The following PLCE1 variants were observed in gnomAD, a reference collection of about 807,000 sequenced individuals.
PLCE1 encodes the protein phospholipase C epsilon 1.
In PLCE1, 119 loss-of-function variants were observed where a neutral mutation model predicts 242.8. The ratio of observed to expected loss-of-function variants is 0.49; its 90% CI spans 0.42 to 0.57. PLCE1 has a LOEUF of 0.57. Ranked by LOEUF, PLCE1 falls within the 20% of genes least tolerant of loss-of-function variation. The probability of loss-of-function intolerance (pLI) is 0.00; values close to 1 mark genes in which losing one functional copy is unlikely to be tolerated. For synonymous variants in PLCE1, 945 were observed against 1,017.4 expected (o/e 0.93, Z 1.35); for missense variants, 2,441 against 2,788.8 (o/e 0.88, Z 2.81).
At chr10:94,110,002 C>T (rs2901733) in intron 2 of PLCE1, among the ~76,000 whole-genome samples, 132,718 of 149,392 alleles carry the variant, frequency 0.89, 60,111 homozygotes, top group South Asian at 0.98. Flanking sequence ...TGGCAAATCA[C>T]GTTTGCCTTT....
chr10:94,132,843 G>A (rs562906147), intron 3 of PLCE1, among the ~76,000 whole-genome samples: 12 of 151,658 alleles, frequency 7.9e-5, no homozygotes, highest in South Asian at 2.1e-4. Context: ...CCAGTTACTC[G>A]GGAGGCTGAG....
rs74538865 is a variant in PLCE1, at chr10:94,011,576, A to G, written c.-365+17318A>G. ...GAGGAATGGGAAAAATGAGTGTCCT[A>G]GTGAGATAAGGATTTTCACCTCTGT... On this transcript the variant is annotated intron_variant, in intron 1 of 32. Transcript: ENST00000371380. 2.2e-4 allele frequency among the ~76,000 whole-genome samples: 34 copies of G among 152,320 alleles called. 1 individual carries two copies. The East Asian group carries it at 6.6e-3, about 29-fold the overall frequency.
At chr10:94,048,247 G>A (rs2043652680) in intron 2 of PLCE1, among the ~76,000 whole-genome samples, 1 of 152,064 alleles carries the variant, frequency 6.6e-6, no homozygotes, top group African/African-American at 2.4e-5. Context: ...TTTTGTATAT[G>A]TTCTTTGTTA....
chr10:94,305,748 G>T (rs1354770158), intron 25 of PLCE1, among the ~76,000 whole-genome samples: 1 of 152,148 alleles, frequency 6.6e-6, no homozygotes, highest in African/African-American at 2.4e-5. Flanking sequence ...TCAAGAAAAA[G>T]ATTTTGAAGT....
At chr10:94,312,776 A>T (rs916801439) in intron 27 of PLCE1, among the ~76,000 whole-genome samples, 6 of 152,200 alleles carry the variant, frequency 3.9e-5, no homozygotes, top group African/African-American at 1.4e-4. Flanking sequence ...ATATATCTTA[A>T]TACACAAAAT....
chr10:94,247,798 G>A (rs954336907), intron 8 of PLCE1, among the ~76,000 whole-genome samples: 18 of 152,148 alleles, frequency 1.2e-4, no homozygotes, highest in African/African-American at 4.3e-4. Flanking sequence ...GTTTAGCGTG[G>A]CAACAGGGCT....
chr10:94,235,618 C>T, intron 6 of PLCE1: 1 of 442,966 alleles, frequency 2.3e-6, no homozygotes, highest in Non-Finnish European at 3.0e-6. Context: ...TGCTCTTCCT[C>T]TGCAAATTGG....
At chr10:94,085,475 T>G (rs145702634) in intron 2 of PLCE1, among the ~76,000 whole-genome samples, 2 of 152,228 alleles carry the variant, frequency 1.3e-5, no homozygotes, top group Non-Finnish European at 2.9e-5. Context: ...TATTTTGGAA[T>G]GTGTTTGGGG....
At chr10:94,061,237 G>A (rs189794015) in intron 2 of PLCE1, among the ~76,000 whole-genome samples, 2 of 152,302 alleles carry the variant, frequency 1.3e-5, no homozygotes, top group East Asian at 3.9e-4. Flanking sequence ...CAGGAAACCA[G>A]TTGTGTAAGA....
Position 94,265,708 on chromosome 10 carries a change from G to A in PLCE1, c.4115G>A (p.Arg1372Lys). ...QGLMSFEGFA[R>K]FLMDKENFAS... is the part of the protein sequence containing the mutation. ...CTAATGTCATTTGAAGGGTTTGCCA[G>A]GTAACTTTTAAAATATCTTTTGCCC... The change falls in exon 15 of 33, where the codon AGG becomes AAG. Residue 1372 changes from arginine to lysine, a missense_variant and splice_region_variant. Coordinates refer to ENST00000371380, the MANE Select transcript of PLCE1 (RefSeq NM_016341.4). The A allele has an allele frequency of 6.2e-7, 1 of 1,613,774 alleles. No individual in the cohort carries two copies. Among genetic ancestry groups the A allele is most frequent in the Non-Finnish European group, 8.5e-7 (1 of 1,179,812 alleles).
chr10:94,284,919 A>G lies in PLCE1; in HGVS notation c.4989A>G (p.Pro1663=). Residue 1663 remains proline, a synonymous_variant, in exon 22 of 33, where the codon CCA becomes CCG. Coordinates refer to ENST00000371380, the MANE Select transcript of PLCE1 (RefSeq NM_016341.4). ...AAAAGGAAAGCAGACAGATTGCACC[A>G]GAGCTTTCTGACCTTGTAATCTATT... ...QNKKESRQIA[P]ELSDLVIYCQ... is the part of the protein sequence containing the mutation. The G allele has an allele frequency of 6.2e-7, 1 of 1,611,862 alleles. No individual in the cohort carries two copies. Among genetic ancestry groups the G allele is most frequent in the Non-Finnish European group, 8.5e-7 (1 of 1,178,060 alleles).
At chr10:94,133,056 C>G (rs1179199495) in intron 3 of PLCE1, among the ~76,000 whole-genome samples, 1 of 151,620 alleles carries the variant, frequency 6.6e-6, no homozygotes, top group Non-Finnish European at 1.5e-5. Flanking sequence ...GGTAGTTTCT[C>G]CTAGTGGTAG....
chr10:94,170,172 C>A (rs1415637383), intron 3 of PLCE1, among the ~76,000 whole-genome samples: 1 of 152,122 alleles, frequency 6.6e-6, no homozygotes, highest in African/African-American at 2.4e-5. Context: ...AGTGTCCAGG[C>A]TGGATGACAG....
At chr10:94,112,923 A>G (rs1006208329) in intron 2 of PLCE1, among the ~76,000 whole-genome samples, 2 of 152,208 alleles carry the variant, frequency 1.3e-5, no homozygotes, top group Admixed American at 6.5e-5. Flanking sequence ...ATTCAACAGA[A>G]CATTTATTGG....
intron 4 of PLCE1, among the ~76,000 whole-genome samples, chr10:94,190,144 G>C (rs1019552323): frequency 6.6e-6 from 1 of 152,168 alleles, no homozygotes; most frequent in East Asian, 1.9e-4. Flanking sequence ...TACAGGCGTG[G>C]TAGTGCCCCC....
At chr10:94,136,383 T>C (rs755383526) in intron 3 of PLCE1, among the ~76,000 whole-genome samples, 1 of 152,102 alleles carries the variant, frequency 6.6e-6, no homozygotes, top group Non-Finnish European at 1.5e-5. Flanking sequence ...AATGTTGAGA[T>C]AGTAAATTTT....
chr10:94,030,376 C>A lies in PLCE1; in HGVS notation c.-364-307C>A, dbSNP rs541013971. Among the ~76,000 whole-genome samples the A allele has an allele frequency of 1.6e-4, 24 of 148,280 alleles. 1 individual carries two copies. The South Asian group carries it at 4.9e-3, about 30-fold the overall frequency. Reference sequence around the variant, plus strand: ...TATAGGGCTCACTTCTTTTTTTTTTCTTCTTTCAGACATCAATGTCTGTGT... The same window carrying A: ...TATAGGGCTCACTTCTTTTTTTTTTATTCTTTCAGACATCAATGTCTGTGT... On this transcript the variant is annotated intron_variant, in intron 1 of 32. Coordinates refer to ENST00000371380, the MANE Select transcript of PLCE1 (RefSeq NM_016341.4).
At chr10:94,178,797 G>A (rs1156281120) in intron 4 of PLCE1, among the ~76,000 whole-genome samples, 1 of 152,194 alleles carries the variant, frequency 6.6e-6, no homozygotes, top group East Asian at 1.9e-4. Context: ...ATATTATAAC[G>A]ATGTGAGGCA....
chr10:94,321,840 TTGTC>T, intron 29 of PLCE1, 57 bp from the exon 30 acceptor site: 3 of 1,318,692 alleles, frequency 2.3e-6, no homozygotes, highest in Admixed American at 3.5e-5. Flanking sequence ...TTTGCTAGAT[TTGTC>T]TTTCTTTATT....
Sources: gnomAD v4.1 joint callset for allele counts (sites outside exome capture counted in the v4.1 genomes callset) on GRCh38, gnomAD v4.1.1 for gene constraint, MANE v1.5 for transcripts, NCBI Gene and HGNC (gene_info 2026-07-23, HGNC 2026-07-21) for gene names.